MAP3K11: variants seen among roughly 807,000 people sequenced by gnomAD.
MAP3K11 encodes the protein mitogen-activated protein kinase kinase kinase 11, also known as SH3 domain-containing proline-rich kinase.
A neutral mutation model predicts 84.9 loss-of-function variants in MAP3K11; 46 were observed. That is an observed-to-expected ratio of 0.54 (90% CI 0.43 to 0.69). The LOEUF is 0.69. Ranked by LOEUF, MAP3K11 falls within the 30% of genes least tolerant of loss-of-function variation. The pLI is 0.00. For synonymous variants in MAP3K11, 527 were observed against 514.7 expected, an observed-to-expected ratio of 1.02 and a Z score of -0.32; for missense variants, 1,053 against 1,198.3, an observed-to-expected ratio of 0.88 and a Z score of 1.79.
At chr11:65,607,091 C>A in intron 5 of MAP3K11, 179 bp downstream of exon 5, 1 of 909,454 alleles carries the variant, frequency 1.1e-6, no homozygotes, top group South Asian at 2.0e-5. Context: ...GCAAATACTT[C>A]CGCCAGAACC....
rs770171700 is a variant in MAP3K11 at position 65,606,094 on chromosome 11, C to A, written c.1604-13G>T. The A allele has an allele frequency of 1.9e-5, 29 of 1,560,210 alleles. No homozygotes were observed. The highest frequency in any genetic ancestry group is 2.0e-5 in the Non-Finnish European group (23 of 1,159,288). On this transcript the variant is annotated splice_polypyrimidine_tract_variant and intron_variant, in intron 6 of 9. Coordinates refer to ENST00000309100, the MANE Select transcript of MAP3K11 (RefSeq NM_002419.4). ...TCTGCAGGCTCCACTGCAGGGGAAA[C>A]CGATGAAATCGGAGATAATCTTTAT...
At chr11:65,606,903 G>T in intron 5 of MAP3K11, 99 bp from the exon 6 acceptor site, 1 of 752,618 alleles carries the variant, frequency 1.3e-6, no homozygotes. Context: ...AGGCCACATA[G>T]GGAGCGGCAC....
At chr11:65,607,191 G>A in intron 5 of MAP3K11, 79 bp downstream of exon 5, 1 of 1,395,456 alleles carries the variant, frequency 7.2e-7, no homozygotes, top group Non-Finnish European at 9.2e-7. Flanking sequence ...ACCAATCCCA[G>A]CGCGGTGAGC....
At chr11:65,600,643 C>A (rs1014256393) in intron 8 of MAP3K11, among the ~76,000 whole-genome samples, 12 of 152,204 alleles carry the variant, frequency 7.9e-5, no homozygotes, top group African/African-American at 2.7e-4. Context: ...ATGGGGAACC[C>A]CTCATTAAGG....
chr11:65,607,532 T>C lies in MAP3K11; in HGVS notation c.1246-19A>G. On this transcript the variant is annotated intron_variant, in intron 4 of 9. Transcript: ENST00000309100. Reference sequence around the variant, plus strand: ...GTAGTTCCTGCGCCCGAGACAGCGATGGTGGAGAGGTCAGCCTGGCACCAA... The same window carrying C: ...GTAGTTCCTGCGCCCGAGACAGCGACGGTGGAGAGGTCAGCCTGGCACCAA... The C allele has an allele frequency of 1.3e-6, 2 of 1,555,206 alleles. No homozygotes were observed. Among genetic ancestry groups the C allele is most frequent in the African/African-American group, 2.7e-5 (2 of 73,602 alleles).
At chr11:65,606,638 A>ATTATTCTT (rs1396835236) in intron 6 of MAP3K11, 53 bp downstream of exon 6, 5 of 1,331,618 alleles carry the variant, frequency 3.8e-6, no homozygotes, top group Non-Finnish European at 5.2e-6. Flanking sequence ...AAGGTCTGAC[A>ATTATTCTT]GAGAATAAGG....
intron 6 of MAP3K11, 123 bp from the exon 7 acceptor site, chr11:65,606,204 A>AGCTTTGGG (rs1565144082): frequency 8.7e-7 from 1 of 1,154,182 alleles, no homozygotes; most frequent in South Asian, 1.9e-5. Context: ...TCCCAGGGTG[A>AGCTTTGGG]GCTTTGGGCA....
chr11:65,602,084 T>A (rs993455069), intron 8 of MAP3K11, among the ~76,000 whole-genome samples: 2 of 150,280 alleles, frequency 1.3e-5, no homozygotes, highest in Non-Finnish European at 3.0e-5. Flanking sequence ...GCACCTGTAG[T>A]CTCAGCTACT....
Position 65,598,564 on chromosome 11 carries a change from A to G in MAP3K11, c.2271T>C (p.Arg757=), listed in dbSNP as rs144687659. The G allele has an allele frequency of 4.5e-4, 722 of 1,603,270 alleles. 8 individuals carry two copies. The South Asian group carries it at 7.5e-3, about 17-fold the overall frequency. Residue 757 remains arginine, a synonymous_variant, in exon 10 of 10, where the codon CGT becomes CGC. Transcript: ENST00000309100. ...RSAPGTPGTP[R]SPPLGLISRP... ...GGCTGATGAGGCCCAGGGGTGGTGA[A>G]CGTGGGGTGCCTGGGGTGCCAGGAG...
At chr11:65,601,175 C>T (rs1199499847) in intron 8 of MAP3K11, among the ~76,000 whole-genome samples, 1 of 152,192 alleles carries the variant, frequency 6.6e-6, no homozygotes, top group Non-Finnish European at 1.5e-5. Flanking sequence ...CGGAGTTCAG[C>T]CAGGTTGCCT....
At position 65,598,463 on chromosome 11, in the gene MAP3K11, A is replaced by C; in HGVS notation, c.2372T>G (p.Leu791Arg). The change falls in exon 10 of 10, where the codon CTG (leucine) becomes CGG (arginine). Residue 791 changes from leucine (L) to arginine (R), a missense_variant. By Grantham distance (102) the Leu-to-Arg change is moderately radical (BLOSUM62 -2). This residue lies in a region of MAP3K11 where 583 missense variants were observed against 566.6 expected (regional missense o/e 1.03). Coordinates refer to ENST00000309100, the MANE Select transcript of MAP3K11 (RefSeq NM_002419.4). Reference sequence around the variant, plus strand: ...GCGGGGTGCAGGCTGTGGTGATGGCAGGGGAGAAGGCCGTGGCCCAGCTGA... The same window carrying C: ...GCGGGGTGCAGGCTGTGGTGATGGCCGGGGAGAAGGCCGTGGCCCAGCTGA... ...FVSAGPRPSP[L>R]PSPQPAPRRA... The C allele has an allele frequency of 6.2e-7, 1 of 1,613,084 alleles. No individual in the cohort carries two copies. Among genetic ancestry groups the C allele is most frequent in the Non-Finnish European group, 8.5e-7 (1 of 1,179,428 alleles).
intron 8 of MAP3K11, among the ~76,000 whole-genome samples, chr11:65,604,230 C>G (rs189340469): frequency 6.6e-6 from 1 of 152,264 alleles, no homozygotes; most frequent in African/African-American, 2.4e-5. Context: ...AGCTTGAGAA[C>G]GATGGGGCCC....
rs1854628032 is a variant in MAP3K11 at position 65,614,200 on chromosome 11, C to T, written c.-444G>A. On this transcript the variant is annotated 5_prime_UTR_variant, in exon 1 of 10. Transcript: ENST00000309100. ...GACTGCCTGTTCCTGGCCCCGTCTC[C>T]TTTGGCCCCGACGGCTCCGACCCCG... 1 of 168,626 alleles carries T rather than the reference C, an allele frequency of 5.9e-6. No homozygotes were observed. 10.4% of individuals were successfully genotyped at this position (168,626 alleles called of 1,614,324 possible). A position where few individuals can be genotyped will look rare whatever the true frequency, so the allele number is the denominator to read the frequency against.
intron 8 of MAP3K11, among the ~76,000 whole-genome samples, chr11:65,601,755 CAAAAA>C (rs34686164): frequency 2.4e-5 from 3 of 126,004 alleles, no homozygotes; most frequent in Non-Finnish European, 3.3e-5. Context: ...GACTCCGTCT[CAAAAA>C]AAAAAAAAAG....
In MAP3K11 at chr11:65,607,324, T is replaced by C. The variant is rs1854522360; in HGVS notation, c.1435A>G (p.Lys479Glu). The change falls in exon 5 of 10, where the codon AAG becomes GAG. Residue 479 changes from lysine (K) to glutamate (E), a missense_variant. Physicochemically the swap from Lys to Glu is moderately conservative, Grantham distance 56. This residue lies in a region of MAP3K11 where 583 missense variants were observed against 566.6 expected (regional missense o/e 1.03). Coordinates refer to ENST00000309100, the MANE Select transcript of MAP3K11 (RefSeq NM_002419.4). ...TCGCGCGCCCGGAGCTTGCTGCGCT[T>C]GAATGTCCCGCGGCGGCGGCGCACG... ...PHVRRRRGTF[K>E]RSKLRARDGG... 1.3e-6 allele frequency: 2 copies of C among 1,519,658 alleles called. No homozygotes were observed. The highest frequency in any genetic ancestry group is 1.7e-6 in the Non-Finnish European group (2 of 1,142,856). 94.1% of individuals were successfully genotyped at this position (1,519,658 alleles called of 1,614,324 possible). A position where few individuals can be genotyped will look rare whatever the true frequency, so the allele number is the denominator to read the frequency against.
chr11:65,606,702 C>T lies in MAP3K11; in HGVS notation c.1592G>A (p.Arg531Gln). Residue 531 changes from arginine (R) to glutamine (Q), a missense_variant, in exon 6 of 10, where the codon CGA (arginine) becomes CAA (glutamine). Coordinates refer to ENST00000309100, the MANE Select transcript of MAP3K11 (RefSeq NM_002419.4). ...GTGAAGTTTCTTACACTGGATGGCT[C>T]GGAACCGGGGAAAGGTGGGCGAATC... is the stretch of plus-strand genomic sequence containing the variant. The part of the protein sequence containing the change: ...PGDSPTFPRF[R>Q]AIQLEPAEPG... 1 of 1,599,134 alleles carries T rather than the reference C, an allele frequency of 6.3e-7. No individual in the cohort carries two copies. Among genetic ancestry groups the T allele is most frequent in the Non-Finnish European group, 8.5e-7 (1 of 1,173,570 alleles).
rs769482000 is a variant in MAP3K11 at position 65,606,676 on chromosome 11, G to A, written c.1603+15C>T. On this transcript the variant is annotated intron_variant, in intron 6 of 9. Coordinates refer to ENST00000309100, the MANE Select transcript of MAP3K11 (RefSeq NM_002419.4). ...CTGGGGGGCGGAGAGGGGCATGAGA[G>A]GTGAAGTTTCTTACACTGGATGGCT... The A allele has an allele frequency of 3.8e-6, 6 of 1,560,928 alleles. No individual in the cohort carries two copies. The highest frequency in any genetic ancestry group is 8.7e-7 in the Non-Finnish European group (1 of 1,147,596).
At chr11:65,600,967 C>G (rs559402140) in intron 8 of MAP3K11, among the ~76,000 whole-genome samples, 1 of 152,338 alleles carries the variant, frequency 6.6e-6, no homozygotes, top group East Asian at 1.9e-4. Flanking sequence ...TCACCCAACT[C>G]CCACCCCGGC....
intron 1 of MAP3K11, chr11:65,608,787 T>C (rs1428743573): frequency 4.5e-6 from 1 of 220,672 alleles, no homozygotes; most frequent in Non-Finnish European, 9.1e-6. Flanking sequence ...CGACTAATTT[T>C]GCATTTTTAG....
Sources: gnomAD v4.1 joint callset for allele counts (sites outside exome capture counted in the v4.1 genomes callset) on GRCh38, gnomAD v4.1.1 for gene constraint, gnomAD v4.1.1 regional missense constraint, MANE v1.5 for transcripts, NCBI Gene and HGNC (gene_info 2026-07-23, HGNC 2026-07-21) for gene names.